Variants in PHACTR1 observed in about 807,000 individuals in gnomAD.
PHACTR1 encodes RPEL repeat containing 1.
PHACTR1 carries 16 observed loss-of-function variants against 69.2 expected under a neutral mutation model. That is an observed-to-expected ratio of 0.23 (90% CI 0.16 to 0.35). PHACTR1 has a LOEUF of 0.35. Among genes scored for constraint, PHACTR1 ranks in the 10% least tolerant of loss-of-function variants. The pLI, the probability that PHACTR1 is intolerant of heterozygous loss-of-function variation, is 1.00. For synonymous variants in PHACTR1, 312 were observed against 284.5 expected, an observed-to-expected ratio of 1.10 and a Z score of -0.97; for missense variants, 510 against 734.7, an observed-to-expected ratio of 0.69 and a Z score of 3.54.
intron 4 of PHACTR1, among the ~76,000 whole-genome samples, chr6:12,891,340 C>G (rs1163214510): frequency 1.3e-5 from 2 of 152,094 alleles, no homozygotes; most frequent in Non-Finnish European, 2.9e-5. Context: ...TCCCTGACAG[C>G]CCCTTTTCCG....
intron 4 of PHACTR1, among the ~76,000 whole-genome samples, chr6:12,908,214 A>AATT (rs1274762302): frequency 2.6e-5 from 4 of 152,154 alleles, no homozygotes; most frequent in Admixed American, 1.3e-4. Context: ...TCATAGGACA[A>AATT]CCCTTCAAAT....
At chr6:13,038,155 A>G (rs535733369) in intron 4 of PHACTR1, among the ~76,000 whole-genome samples, 2 of 152,320 alleles carry the variant, frequency 1.3e-5, no homozygotes, top group African/African-American at 2.4e-5. Flanking sequence ...TTCTCACAAT[A>G]ACCCATGAAG....
chr6:12,768,809 TACACACACACACACACAC>T (rs4053038), intron 4 of PHACTR1, among the ~76,000 whole-genome samples: 164 of 123,366 alleles, frequency 1.3e-3, no homozygotes, highest in African/African-American at 2.4e-3. Context: ...ATGTGCTATC[TACACACACACACACACAC>T]ACACACACAC....
At position 13,205,908 on chromosome 6, in the gene PHACTR1, G is replaced by T. The variant is rs1358115998; in HGVS notation, c.758G>T (p.Gly253Val). ...KKVMICMPVG[G>V]PDLSLVSYTA... Reference sequence around the variant, plus strand: ...GTCATGATCTGTATGCCCGTGGGGGGGCCAGACCTCTCACTGGTGTCCTAC... The same window carrying T: ...GTCATGATCTGTATGCCCGTGGGGGTGCCAGACCTCTCACTGGTGTCCTAC... Residue 253 changes from glycine (G) to valine (V), a missense_variant, in exon 8 of 15, where the codon GGG becomes GTG. Gly to Val is a moderately radical substitution (Grantham distance 109). This residue lies in a region of PHACTR1 where 419 missense variants were observed against 530.9 expected (regional missense o/e 0.79). Coordinates refer to ENST00000332995, the MANE Select transcript of PHACTR1 (RefSeq NM_030948.6). The T allele has an allele frequency of 1.2e-6, 2 of 1,613,616 alleles. No individual in the cohort carries two copies. Among genetic ancestry groups the T allele is most frequent in the African/African-American group, 1.3e-5 (1 of 74,880 alleles).
At chr6:12,894,011 A>C (rs1378949892) in intron 4 of PHACTR1, among the ~76,000 whole-genome samples, 1 of 152,204 alleles carries the variant, frequency 6.6e-6, no homozygotes, top group Non-Finnish European at 1.5e-5. Flanking sequence ...AAGGGAACAC[A>C]TCACCCACTG....
intron 4 of PHACTR1, among the ~76,000 whole-genome samples, chr6:13,037,934 A>G (rs1449443794): frequency 6.6e-6 from 1 of 152,200 alleles, no homozygotes. Context: ...AAAAGGTGGT[A>G]TCAAGGACAA....
At chr6:13,195,427 G>A (rs940601447) in intron 7 of PHACTR1, among the ~76,000 whole-genome samples, 2 of 152,124 alleles carry the variant, frequency 1.3e-5, no homozygotes, top group African/African-American at 4.8e-5. Flanking sequence ...TACAGCAGCA[G>A]TTACAAATGG....
intron 4 of PHACTR1, among the ~76,000 whole-genome samples, chr6:12,977,395 C>T (rs1795026525): frequency 6.6e-6 from 1 of 151,926 alleles, no homozygotes; most frequent in South Asian, 2.1e-4. Flanking sequence ...CACACACACA[C>T]ACACACACAC....
chr6:13,134,049 T>C (rs1015324746), intron 5 of PHACTR1, among the ~76,000 whole-genome samples: 27 of 147,766 alleles, frequency 1.8e-4, no homozygotes, highest in African/African-American at 6.8e-4. Context: ...AGGTGAGGAG[T>C]GTCTCTGCCC....
At chr6:13,102,914 C>G (rs1000695275) in intron 5 of PHACTR1, among the ~76,000 whole-genome samples, 13 of 152,178 alleles carry the variant, frequency 8.5e-5, no homozygotes, top group African/African-American at 3.1e-4. Context: ...GGCCAGCCAA[C>G]CTTGGTCCAA....
At chr6:13,280,853 T>C (rs571835846) in intron 12 of PHACTR1, 1 of 773,340 alleles carries the variant, frequency 1.3e-6, no homozygotes, top group Admixed American at 2.7e-5. Context: ...AGGTTCCAGA[T>C]GCCCCGAAGG....
chr6:12,962,021 T>G (rs1792811947), intron 4 of PHACTR1, among the ~76,000 whole-genome samples: 1 of 152,184 alleles, frequency 6.6e-6, no homozygotes, highest in Non-Finnish European at 1.5e-5. Flanking sequence ...CTTGATCTCC[T>G]GGGCTCAAGT....
At chr6:13,286,758 T>C (rs1391870056) in intron 14 of PHACTR1, among the ~76,000 whole-genome samples, 1 of 152,206 alleles carries the variant, frequency 6.6e-6, no homozygotes, top group African/African-American at 2.4e-5. Context: ...GACTTTCTTT[T>C]GGGGGGAACA....
intron 4 of PHACTR1, among the ~76,000 whole-genome samples, chr6:13,040,813 A>G (rs1263324598): frequency 6.6e-6 from 1 of 152,204 alleles, no homozygotes; most frequent in Non-Finnish European, 1.5e-5. Context: ...TGTATATGCA[A>G]TCAGAGAGCT....
At chr6:12,867,528 G>T (rs1781577519) in intron 4 of PHACTR1, among the ~76,000 whole-genome samples, 1 of 152,212 alleles carries the variant, frequency 6.6e-6, no homozygotes, top group South Asian at 2.1e-4. Flanking sequence ...TACAGAGATG[G>T]CAACTGACTT....
chr6:13,064,887 A>T (rs780145338), intron 5 of PHACTR1, among the ~76,000 whole-genome samples: 20 of 151,950 alleles, frequency 1.3e-4, no homozygotes, highest in South Asian at 6.2e-4. Context: ...ATAGGAATAG[A>T]TTGAAATACA....
At chr6:13,122,377 G>A (rs1053597990) in intron 5 of PHACTR1, among the ~76,000 whole-genome samples, 2 of 152,222 alleles carry the variant, frequency 1.3e-5, no homozygotes, top group Non-Finnish European at 1.5e-5. Context: ...GGGAAGAGAT[G>A]TGGTGAGCTT....
At chr6:13,159,689 C>G (rs906125583) in intron 5 of PHACTR1, among the ~76,000 whole-genome samples, 2 of 152,208 alleles carry the variant, frequency 1.3e-5, no homozygotes, top group Non-Finnish European at 1.5e-5. Flanking sequence ...CCCCTGTAAT[C>G]CCAGCCCTTT....
intron 8 of PHACTR1, among the ~76,000 whole-genome samples, chr6:13,223,004 T>A (rs1013439760): frequency 2.6e-5 from 4 of 152,232 alleles, no homozygotes; most frequent in Admixed American, 2.6e-4. Flanking sequence ...CTTATGCATA[T>A]ATCAATATTG....
Sources: gnomAD v4.1 joint callset for allele counts (sites outside exome capture counted in the v4.1 genomes callset) on GRCh38, gnomAD v4.1.1 for gene constraint, gnomAD v4.1.1 regional missense constraint, MANE v1.5 for transcripts, NCBI Gene and HGNC (gene_info 2026-07-23, HGNC 2026-07-21) for gene names.